LGSN: variants seen among roughly 807,000 people sequenced by gnomAD.
LGSN encodes the protein lengsin, lens protein with glutamine synthetase domain.
A neutral mutation model predicts 19.5 loss-of-function variants in LGSN; 21 were observed. The ratio of observed to expected loss-of-function variants is 1.07; its 90% CI spans 0.76 to 1.55. LGSN has a LOEUF of 1.55. Ranked by LOEUF, LGSN falls within the 40% of genes most tolerant of loss-of-function variation. The pLI is 0.00. For synonymous variants in LGSN, 257 were observed against 215.6 expected, an observed-to-expected ratio of 1.19 and a Z score of -1.68; for missense variants, 673 against 608.5, an observed-to-expected ratio of 1.11 and a Z score of -1.12.
the LGSN span, among the ~76,000 whole-genome samples, chr6:63,439,364 A>T: frequency 6.6e-6 from 1 of 152,172 alleles, no homozygotes; most frequent in East Asian, 1.9e-4. Flanking sequence ...ATAATAATAC[A>T]ATTAAAAATA....
the LGSN span, among the ~76,000 whole-genome samples, chr6:63,356,879 G>A: frequency 3.3e-5 from 5 of 151,846 alleles, no homozygotes; most frequent in African/African-American, 9.7e-5. Context: ...TGTACACAAC[G>A]TGCAGGTTTG....
chr6:63,457,752 G>C, the LGSN span, among the ~76,000 whole-genome samples: 1 of 151,882 alleles, frequency 6.6e-6, no homozygotes, highest in Non-Finnish European at 1.5e-5. Flanking sequence ...GGTAGTGGGT[G>C]CCTGTAATCC....
At chr6:63,472,213 G>C in the LGSN span, among the ~76,000 whole-genome samples, 1 of 152,104 alleles carries the variant, frequency 6.6e-6, no homozygotes, top group South Asian at 2.1e-4. Flanking sequence ...CCCAAACTCT[G>C]GCCCTTCAGC....
the LGSN span, among the ~76,000 whole-genome samples, chr6:63,408,474 C>T: frequency 2.1e-5 from 3 of 144,968 alleles, no homozygotes; most frequent in Middle Eastern, 0.011. Context: ...ACTGGCTAGC[C>T]ATATGTAGAA....
rs1269809451 is a variant in LGSN at position 63,284,387 on chromosome 6, A to AT, written c.330+1199dup. On this transcript the variant is annotated intron_variant, in intron 3 of 3. Coordinates refer to ENST00000370657, the MANE Select transcript of LGSN (RefSeq NM_016571.3). ...GAAAAATATTTTCAGTAGCAGTTGG[A>AT]TAAAAAAAAGTATGCAGAATTTTTC... Among the ~76,000 whole-genome samples, 3 of 152,318 alleles carry AT rather than the reference A, an allele frequency of 2.0e-5. No homozygotes were observed. The East Asian group carries it at 5.8e-4, about 29-fold the overall frequency.
At chr6:63,297,099 T>C (rs1768002985) in intron 1 of LGSN, among the ~76,000 whole-genome samples, 1 of 152,014 alleles carries the variant, frequency 6.6e-6, no homozygotes, top group African/African-American at 2.4e-5. Context: ...CCCAGCACTT[T>C]GAGAGGCCAA....
At chr6:63,356,161 C>G in the LGSN span, among the ~76,000 whole-genome samples, 1 of 152,122 alleles carries the variant, frequency 6.6e-6, no homozygotes, top group Non-Finnish European at 1.5e-5. Flanking sequence ...AAAATAAGAT[C>G]ACATTCTGAG....
Position 63,280,488 on chromosome 6 carries a change from G to A in LGSN, c.1063C>T (p.Leu355Phe), listed in dbSNP as rs1195278213. 1.2e-6 allele frequency: 2 copies of A among 1,614,130 alleles called. No homozygotes were observed. Among genetic ancestry groups the A allele is most frequent in the Non-Finnish European group, 1.7e-6 (2 of 1,180,032 alleles). Residue 355 changes from leucine (L) to phenylalanine (F), a missense_variant, in exon 4 of 4, where the codon CTC (leucine) becomes TTC (phenylalanine). By Grantham distance (22) the Leu-to-Phe change is conservative. Transcript: ENST00000370657. ...LAGLLKHSAA[L>F]SCLMAPSVSC... The stretch of plus-strand genomic sequence containing the variant: ...ACAGAAGGCGCCATCAGGCAGCTGA[G>A]CGCAGCAGAGTGCTTCAAGAGTCCT...
the LGSN span, among the ~76,000 whole-genome samples, chr6:63,409,866 T>C: frequency 1.3e-5 from 2 of 152,168 alleles, no homozygotes; most frequent in South Asian, 2.1e-4. Flanking sequence ...CGAAACCTCA[T>C]CTCTACTAAA....
chr6:63,345,637 A>G, the LGSN span, among the ~76,000 whole-genome samples: 1 of 152,206 alleles, frequency 6.6e-6, no homozygotes, highest in East Asian at 1.9e-4. Flanking sequence ...TTCAGGCAGC[A>G]GGAAAGCCCT....
chr6:63,400,719 C>A, the LGSN span, among the ~76,000 whole-genome samples: 1 of 152,136 alleles, frequency 6.6e-6, no homozygotes, highest in African/African-American at 2.4e-5. Context: ...TTCGGCCGGG[C>A]GTGGTGGCTT....
the LGSN span, among the ~76,000 whole-genome samples, chr6:63,340,453 C>G: frequency 6.6e-6 from 1 of 151,998 alleles, no homozygotes; most frequent in African/African-American, 2.4e-5. Flanking sequence ...TTTCTTCATT[C>G]TTTTTTATTC....
At chr6:63,542,980 G>A in the LGSN span, among the ~76,000 whole-genome samples, 1 of 152,024 alleles carries the variant, frequency 6.6e-6, no homozygotes, top group South Asian at 2.1e-4. Context: ...TCTTGAACTT[G>A]CAAACTACAA....
the LGSN span, among the ~76,000 whole-genome samples, chr6:63,415,977 TA>T: frequency 8.3e-4 from 126 of 152,220 alleles, no homozygotes; most frequent in African/African-American, 2.9e-3. Context: ...TTAAATAAAA[TA>T]AAACATCCAA....
the LGSN span, among the ~76,000 whole-genome samples, chr6:63,384,272 C>T: frequency 1.3e-5 from 2 of 152,160 alleles, no homozygotes; most frequent in Non-Finnish European, 2.9e-5. Flanking sequence ...CTTGATAAGC[C>T]TATACCAATA....
chr6:63,526,202 G>A, the LGSN span, among the ~76,000 whole-genome samples: 3 of 152,090 alleles, frequency 2.0e-5, no homozygotes, highest in Admixed American at 6.6e-5. Flanking sequence ...GTGGATGCCT[G>A]TAGTCCCAGC....
the LGSN span, among the ~76,000 whole-genome samples, chr6:63,333,568 G>A: frequency 7.9e-6 from 1 of 126,224 alleles, no homozygotes. Context: ...GAAGGAAGGA[G>A]AGAGAGAGAG....
chr6:63,289,929 G>A (rs1767699176), intron 2 of LGSN, among the ~76,000 whole-genome samples: 1 of 152,060 alleles, frequency 6.6e-6, no homozygotes, highest in Non-Finnish European at 1.5e-5. Context: ...CACCCTGTTT[G>A]TGCTACCTTC....
At chr6:63,460,100 CTTTTTTTTTTTTTTTTT>C in the LGSN span, among the ~76,000 whole-genome samples, 128 of 56,136 alleles carry the variant, frequency 2.3e-3, 1 homozygote, top group Middle Eastern at 0.016. Flanking sequence ...ATTTCATTCC[CTTTTTTTTTTTTTTTTT>C]TTTTTTTTTT....
Sources: allele counts gnomAD v4.1 joint callset (sites outside exome capture counted in the v4.1 genomes callset), GRCh38; gene constraint gnomAD v4.1.1; transcripts MANE v1.5; gene names NCBI Gene and HGNC (gene_info 2026-07-23, HGNC 2026-07-21).